DLG2: variants seen among roughly 807,000 people sequenced by gnomAD.
DLG2 encodes discs large MAGUK scaffold protein 2, also known as disks large homolog 2.
In DLG2, 45 loss-of-function variants were observed where a neutral mutation model predicts 132.5. The observed-to-expected ratio is 0.34, with a 90% CI of 0.27 to 0.44. DLG2 has a LOEUF of 0.44. Among genes scored for constraint, DLG2 ranks in the 20% least tolerant of loss-of-function variants. DLG2 has a pLI of 1.00. For synonymous variants in DLG2, 424 were observed against 419.6 expected (o/e 1.01, Z -0.13); for missense variants, 1,045 against 1,196.9 (o/e 0.87, Z 1.87).
At chr11:83,970,311 C>T (rs2091078311) in intron 12 of DLG2, among the ~76,000 whole-genome samples, 1 of 152,102 alleles carries the variant, frequency 6.6e-6, no homozygotes, top group Non-Finnish European at 1.5e-5. Flanking sequence ...CATAGAGTGA[C>T]TTTGCTAACA....
intron 3 of DLG2, among the ~76,000 whole-genome samples, chr11:85,540,782 C>T (rs2075911231): frequency 6.6e-6 from 1 of 152,236 alleles, no homozygotes. Context: ...GCTGTGGGGT[C>T]AGAGCCCAAA....
At chr11:84,627,438 G>A (rs898671230) in intron 6 of DLG2, among the ~76,000 whole-genome samples, 1 of 152,086 alleles carries the variant, frequency 6.6e-6, no homozygotes, top group Non-Finnish European at 1.5e-5. Context: ...AATTAAATTA[G>A]TACCTAATTG....
At chr11:84,874,150 G>T (rs988527628) in intron 6 of DLG2, among the ~76,000 whole-genome samples, 5 of 152,184 alleles carry the variant, frequency 3.3e-5, no homozygotes, top group Non-Finnish European at 1.5e-5. Context: ...TTGCAGAAAA[G>T]ATTGTTGGGG....
chr11:84,023,202 A>G (rs963607632), intron 11 of DLG2, among the ~76,000 whole-genome samples: 12 of 152,170 alleles, frequency 7.9e-5, no homozygotes, highest in African/African-American at 2.2e-4. Context: ...TCACCAAACA[A>G]AAAACAGTTC....
At chr11:84,198,978 A>G (rs1411006441) in intron 8 of DLG2, among the ~76,000 whole-genome samples, 1 of 152,166 alleles carries the variant, frequency 6.6e-6, no homozygotes, top group Non-Finnish European at 1.5e-5. Context: ...TGGTCAACAG[A>G]GCTATGGATA....
At chr11:84,655,477 G>A (rs551252361) in intron 6 of DLG2, among the ~76,000 whole-genome samples, 27 of 152,054 alleles carry the variant, frequency 1.8e-4, no homozygotes, top group Non-Finnish European at 2.5e-4. Context: ...GAAAATAAAC[G>A]TAATGGGCTA....
intron 25 of DLG2, 72 bp downstream of exon 25, chr11:83,469,129 A>G: frequency 8.4e-7 from 1 of 1,184,542 alleles, no homozygotes; most frequent in Non-Finnish European, 1.2e-6. Flanking sequence ...TAATGACCAA[A>G]AAAAAAAAAA....
intron 15 of DLG2, among the ~76,000 whole-genome samples, chr11:83,893,268 G>C (rs1163697802): frequency 6.6e-6 from 1 of 152,140 alleles, no homozygotes; most frequent in Admixed American, 6.5e-5. Context: ...CAGGTCATAA[G>C]TTGCCCAACT....
In DLG2 at chr11:85,488,018, G is replaced by A. The variant is rs577009132; in HGVS notation, c.40+110639C>T. 1.4e-4 allele frequency among the ~76,000 whole-genome samples: 22 copies of A among 152,310 alleles called. No individual in the cohort carries two copies. The South Asian group carries it at 3.5e-3, about 24-fold the overall frequency. On this transcript the variant is annotated intron_variant, in intron 3 of 27. Coordinates refer to ENST00000376104, the MANE Select transcript of DLG2 (RefSeq NM_001142699.3). ...ATACTGCTCTTGTGGTAGTGAATAAGTCTCATGAGATCTGATGGTTTTATT... is the reference window on the plus strand; with the variant it reads ...ATACTGCTCTTGTGGTAGTGAATAAATCTCATGAGATCTGATGGTTTTATT...
chr11:85,207,093 T>A (rs753998175), intron 4 of DLG2, among the ~76,000 whole-genome samples: 1 of 152,200 alleles, frequency 6.6e-6, no homozygotes, highest in Non-Finnish European at 1.5e-5. Flanking sequence ...ATCAGCAATA[T>A]AGTATATAGT....
At chr11:84,727,833 C>T (rs1273416460) in intron 6 of DLG2, among the ~76,000 whole-genome samples, 1 of 151,926 alleles carries the variant, frequency 6.6e-6, no homozygotes, top group Non-Finnish European at 1.5e-5. Flanking sequence ...AGTTGTATTC[C>T]TAGGTATTTT....
chr11:84,224,119 C>T (rs1188771446), intron 8 of DLG2, among the ~76,000 whole-genome samples: 1 of 152,214 alleles, frequency 6.6e-6, no homozygotes, highest in Non-Finnish European at 1.5e-5. Context: ...CACTGTTCCC[C>T]AGACATAACT....
At chr11:85,614,807 A>G (rs1163457858) in intron 2 of DLG2, among the ~76,000 whole-genome samples, 3 of 152,178 alleles carry the variant, frequency 2.0e-5, no homozygotes, top group African/African-American at 7.2e-5. Context: ...CATTTTCACA[A>G]ATGGGGAAAT....
chr11:84,487,338 A>G (rs2099153647), intron 7 of DLG2, among the ~76,000 whole-genome samples: 1 of 152,120 alleles, frequency 6.6e-6, no homozygotes, highest in South Asian at 2.1e-4. Context: ...AGCTTAAATA[A>G]AATGCTTGAT....
intron 6 of DLG2, among the ~76,000 whole-genome samples, chr11:84,601,719 T>C (rs972290763): frequency 5.3e-5 from 8 of 152,122 alleles, no homozygotes; most frequent in South Asian, 2.1e-4. Context: ...ACAATGTTTA[T>C]GTAAGTAAAT....
chr11:84,672,000 G>A (rs955593351), intron 6 of DLG2, among the ~76,000 whole-genome samples: 2 of 152,254 alleles, frequency 1.3e-5, no homozygotes, highest in African/African-American at 2.4e-5. Context: ...GCTTGGACAA[G>A]TCTATCAGTT....
chr11:84,136,109 T>A (rs767074741), intron 9 of DLG2, among the ~76,000 whole-genome samples: 2 of 152,130 alleles, frequency 1.3e-5, no homozygotes, highest in Non-Finnish European at 2.9e-5. Context: ...GTTCTAGATA[T>A]CCACAGTTGC....
intron 21 of DLG2, among the ~76,000 whole-genome samples, chr11:83,517,674 G>C (rs895746610): frequency 6.6e-6 from 1 of 152,180 alleles, no homozygotes; most frequent in African/African-American, 2.4e-5. Flanking sequence ...GGTCTTTGAT[G>C]ATGGTGACGT....
chr11:84,092,061 T>C (rs1047425175), intron 10 of DLG2, among the ~76,000 whole-genome samples: 2 of 152,204 alleles, frequency 1.3e-5, no homozygotes, highest in African/African-American at 4.8e-5. Flanking sequence ...ATCAGGATAA[T>C]CTCCATTTTG....
Sources: gnomAD v4.1 joint callset for allele counts (sites outside exome capture counted in the v4.1 genomes callset) on GRCh38, gnomAD v4.1.1 for gene constraint, MANE v1.5 for transcripts, NCBI Gene and HGNC (gene_info 2026-07-23, HGNC 2026-07-21) for gene names.